The following KANK1 variants were observed in gnomAD, a reference collection of about 807,000 sequenced individuals.
The protein encoded by KANK1 is KN motif and ankyrin repeat domain-containing protein 1.
Under a neutral mutation model 106.2 loss-of-function variants are expected in KANK1, and 109 were observed. That is an observed-to-expected ratio of 1.03 (90% CI 0.88 to 1.20). The LOEUF (loss-of-function observed/expected upper bound fraction) is 1.20, where lower values mean the gene tolerates loss of function less well. Ranked by LOEUF, KANK1 falls within the 50% of genes most tolerant of loss-of-function variation. KANK1 has a pLI of 0.00. For synonymous variants in KANK1, 873 were observed against 652.2 expected, an observed-to-expected ratio of 1.34 and a Z score of -5.16; for missense variants, 2,399 against 1,710.7, an observed-to-expected ratio of 1.40 and a Z score of -7.10.
At chr9:681,566 C>T (rs1023265260) in intron 2 of KANK1, among the ~76,000 whole-genome samples, 3 of 152,132 alleles carry the variant, frequency 2.0e-5, no homozygotes, top group Non-Finnish European at 4.4e-5. Context: ...GCTATCCTAC[C>T]TTCTTCACAA....
chr9:573,231 A>T (rs1432913506), intron 1 of KANK1, among the ~76,000 whole-genome samples: 2 of 152,144 alleles, frequency 1.3e-5, no homozygotes, highest in Non-Finnish European at 2.9e-5. Context: ...TTCACTTGTC[A>T]CTAAACTTAT....
At position 618,356 on chromosome 9, in the gene KANK1, C is replaced by T. The variant is rs185341093; in HGVS notation, c.-83-58534C>T. ...CCGAGTAGCTGGGACTACAGGCACA[C>T]GCCACCACACCCAGTTAATTTTTGT... On this transcript the variant is annotated intron_variant, in intron 1 of 11. Coordinates refer to ENST00000382297, the MANE Select transcript of KANK1 (RefSeq NM_015158.5). 5.1e-4 allele frequency among the ~76,000 whole-genome samples: 78 copies of T among 152,142 alleles called. 1 individual carries two copies. The highest frequency in any genetic ancestry group is 3.5e-3 in the South Asian group (17 of 4,814).
At chr9:698,563 C>G (rs1821877764) in intron 2 of KANK1, among the ~76,000 whole-genome samples, 1 of 152,106 alleles carries the variant, frequency 6.6e-6, no homozygotes, top group African/African-American at 2.4e-5. Context: ...CAGCTCAGCC[C>G]AGAGTAGCTG....
intron 2 of KANK1, among the ~76,000 whole-genome samples, chr9:686,613 C>T (rs1268946529): frequency 6.6e-6 from 1 of 152,086 alleles, no homozygotes; most frequent in Non-Finnish European, 1.5e-5. Context: ...ACTGTGATGC[C>T]CTTTGCCACC....
rs1358484597 is a variant in KANK1, at chr9:643,789, G to A, written c.-83-33101G>A. Among the ~76,000 whole-genome samples, 5 of 150,260 alleles carry A rather than the reference G, an allele frequency of 3.3e-5. 1 individual carries two copies. The highest frequency in any genetic ancestry group is 2.1e-4 in the South Asian group (1 of 4,810). On this transcript the variant is annotated intron_variant, in intron 1 of 11. Transcript: ENST00000382297. ...ATGATCTTGGCTCACTGCAGGCTCC[G>A]CCTCCTGGGTTCAAACAATTCTCCT...
intron 1 of KANK1, among the ~76,000 whole-genome samples, chr9:536,127 C>T (rs1285593090): frequency 6.6e-6 from 1 of 152,074 alleles, no homozygotes; most frequent in Non-Finnish European, 1.5e-5. Flanking sequence ...CACTTGAGGT[C>T]AGGAGTTAAA....
rs555407552 is a variant in KANK1 at position 690,824 on chromosome 9, T to C, written c.37+13815T>C. Among the ~76,000 whole-genome samples the C allele has an allele frequency of 2.4e-4, 36 of 152,304 alleles. No individual in the cohort carries two copies. In the South Asian group the frequency reaches 7.3e-3, roughly 31 times the overall value. On this transcript the variant is annotated intron_variant, in intron 2 of 11. Transcript: ENST00000382297. ...AAGCCACCATCCCAGGGATAAAGAC[T>C]GTGCTGGTATACGCTCAGCCAGCCT...
intron 1 of KANK1, among the ~76,000 whole-genome samples, chr9:548,073 A>G (rs1034648850): frequency 1.3e-5 from 2 of 152,210 alleles, no homozygotes; most frequent in East Asian, 1.9e-4. Context: ...TAGTTAGGAA[A>G]ACTATTTCTC....
At chr9:731,338 A>G (rs1832197922) in intron 5 of KANK1, 72 bp downstream of exon 5, 2 of 881,204 alleles carry the variant, frequency 2.3e-6, no homozygotes, top group African/African-American at 1.7e-5. Context: ...TCACATTTCA[A>G]GGCGCCTAGT....
intron 1 of KANK1, among the ~76,000 whole-genome samples, chr9:584,658 G>T (rs557112294): frequency 6.6e-6 from 1 of 152,284 alleles, no homozygotes; most frequent in South Asian, 2.1e-4. Flanking sequence ...GAATAGTTCT[G>T]TAAGATTTGT....
chr9:647,945 C>A (rs1326350094), intron 1 of KANK1, among the ~76,000 whole-genome samples: 1 of 150,204 alleles, frequency 6.7e-6, no homozygotes, highest in African/African-American at 2.5e-5. Context: ...CTCATGTGCA[C>A]CTCACACACA....
chr9:640,297 G>A (rs1288518463), intron 1 of KANK1, among the ~76,000 whole-genome samples: 1 of 151,854 alleles, frequency 6.6e-6, no homozygotes, highest in African/African-American at 2.4e-5. Context: ...GCTGGAGTGT[G>A]TGATCTCGGC....
At chr9:744,727 C>A in intron 11 of KANK1, 138 bp downstream of exon 11, 1 of 1,549,232 alleles carries the variant, frequency 6.5e-7, no homozygotes, top group Non-Finnish European at 8.7e-7. Context: ...CTTAAGAGTT[C>A]ATCCTTTCCG....
chr9:589,178 G>A (rs1166859859), intron 1 of KANK1, among the ~76,000 whole-genome samples: 1 of 152,140 alleles, frequency 6.6e-6, no homozygotes, highest in African/African-American at 2.4e-5. Context: ...TATCTCATTC[G>A]ATCCTCACAA....
chr9:646,961 G>A (rs1839809071), intron 1 of KANK1, among the ~76,000 whole-genome samples: 1 of 150,778 alleles, frequency 6.6e-6, no homozygotes, highest in Non-Finnish European at 1.5e-5. Flanking sequence ...GCCTCCCAAA[G>A]TATTGGGATT....
rs1471614690 is a variant in KANK1, at chr9:711,788, G to A, written c.1022G>A (p.Ser341Asn). 6.2e-7 allele frequency: 1 copy of A among 1,614,064 alleles called. No homozygotes were observed. The highest frequency in any genetic ancestry group is 2.2e-5 in the East Asian group (1 of 44,898). ...GAACAGCTCTCCCGGGCCCGAAGAA[G>A]TGGCGGGGAATTATACATTGACTAT... The part of the protein sequence containing the change: ...QLEQLSRARR[S>N]GGELYIDYEE... Residue 341 changes from serine (S) to asparagine (N), a missense_variant, in exon 3 of 12, where the codon AGT becomes AAT. Coordinates refer to ENST00000382297, the MANE Select transcript of KANK1 (RefSeq NM_015158.5).
At chr9:614,590 C>T (rs147225374) in intron 1 of KANK1, among the ~76,000 whole-genome samples, 2 of 152,174 alleles carry the variant, frequency 1.3e-5, no homozygotes, top group South Asian at 2.1e-4. Flanking sequence ...TCGTGTGCGG[C>T]AGGGTATTCT....
intron 1 of KANK1, among the ~76,000 whole-genome samples, chr9:569,658 G>C (rs1373933813): frequency 6.6e-6 from 1 of 152,188 alleles, no homozygotes; most frequent in Non-Finnish European, 1.5e-5. Context: ...AATTGACTGA[G>C]ACAATACGTA....
Position 587,074 on chromosome 9 carries a change from C to G in KANK1, c.-84+82320C>G, listed in dbSNP as rs140350037. ...TAGTGAATTACTTTCATCTTTTGATCACACTAGGAAATTGTCCACGGAGTT... is the reference window on the plus strand; with the variant it reads ...TAGTGAATTACTTTCATCTTTTGATGACACTAGGAAATTGTCCACGGAGTT... On this transcript the variant is annotated intron_variant, in intron 1 of 11. Transcript: ENST00000382297. Among the ~76,000 whole-genome samples, 975 of 152,278 alleles carry G rather than the reference C, an allele frequency of 6.4e-3. 48 individuals are homozygous for G. The highest frequency in any genetic ancestry group is 0.058 in the Admixed American group (892 of 15,286).
Sources: gnomAD v4.1 joint callset for allele counts (sites outside exome capture counted in the v4.1 genomes callset) on GRCh38, gnomAD v4.1.1 for gene constraint, MANE v1.5 for transcripts, NCBI Gene and HGNC (gene_info 2026-07-23, HGNC 2026-07-21) for gene names.